The following HAO1 variants were observed in gnomAD, a reference collection of about 807,000 sequenced individuals.
HAO1 encodes hydroxyacid oxidase 1, also known as 2-Hydroxyacid oxidase 1.
In HAO1, 34 loss-of-function variants were observed where a neutral mutation model predicts 39.7. The observed-to-expected ratio is 0.86, with a 90% CI of 0.65 to 1.14. HAO1 has a LOEUF of 1.14. Ranked by LOEUF, HAO1 falls within the 50% of genes most tolerant of loss-of-function variation. The probability of loss-of-function intolerance (pLI) is 0.00; values close to 1 mark genes in which losing one functional copy is unlikely to be tolerated. For synonymous variants in HAO1, 172 were observed against 173.2 expected (o/e 0.99, Z 0.05); for missense variants, 479 against 464.5 (o/e 1.03, Z -0.29).
At chr20:7,885,663 G>A in intron 6 of HAO1, 43 bp downstream of exon 6, 1 of 1,576,332 alleles carries the variant, frequency 6.3e-7, no homozygotes, top group Non-Finnish European at 8.7e-7. Flanking sequence ...TTGTTTTACT[G>A]TCAAGTTGTC....
At chr20:7,895,022 C>T (rs553582058) in intron 5 of HAO1, 111 bp downstream of exon 5, 21 of 739,994 alleles carry the variant, frequency 2.8e-5, no homozygotes, top group Admixed American at 1.3e-4. Flanking sequence ...ACGTATTTCA[C>T]CTTGAGTGAT....
intron 2 of HAO1, among the ~76,000 whole-genome samples, chr20:7,926,358 T>C (rs900012012): frequency 2.0e-5 from 3 of 152,180 alleles, no homozygotes; most frequent in Admixed American, 6.6e-5. Context: ...AGTAAAAATG[T>C]TCCTTAAAGC....
At chr20:7,937,783 C>T (rs2050420134) in intron 1 of HAO1, among the ~76,000 whole-genome samples, 1 of 152,132 alleles carries the variant, frequency 6.6e-6, no homozygotes, top group African/African-American at 2.4e-5. Context: ...CAAAATGTAG[C>T]AAGTTGACAT....
intron 3 of HAO1, among the ~76,000 whole-genome samples, chr20:7,907,750 G>A (rs946257877): frequency 2.0e-5 from 3 of 152,116 alleles, no homozygotes; most frequent in Non-Finnish European, 4.4e-5. Flanking sequence ...ATCCTGGCTA[G>A]ATTTTGGCAG....
chr20:7,921,993 C>A (rs913305612), intron 2 of HAO1, among the ~76,000 whole-genome samples: 2 of 152,026 alleles, frequency 1.3e-5, no homozygotes, highest in African/African-American at 2.4e-5. Context: ...AAAAAAACTA[C>A]CTGTTTGGAA....
chr20:7,892,699 T>C (rs1200546465), intron 5 of HAO1, among the ~76,000 whole-genome samples: 1 of 152,114 alleles, frequency 6.6e-6, no homozygotes, highest in Admixed American at 6.6e-5. Context: ...TATATAAGAA[T>C]CCAGTTCTGA....
At chr20:7,884,377 A>T (rs1350467062) in intron 7 of HAO1, among the ~76,000 whole-genome samples, 2 of 152,186 alleles carry the variant, frequency 1.3e-5, no homozygotes, top group East Asian at 3.9e-4. Context: ...AAATTCTATG[A>T]TAGCTGATAT....
rs529767138 is a variant in HAO1, at chr20:7,910,203, G to A, written c.546-3874C>T. On this transcript the variant is annotated intron_variant, in intron 3 of 7. Transcript: ENST00000378789. Reference sequence around the variant, plus strand: ...AAGCATAATCAATAAATTACAAAGTGTAGCAGAACATAAGCACTATACAAA... The same window carrying A: ...AAGCATAATCAATAAATTACAAAGTATAGCAGAACATAAGCACTATACAAA... 4.6e-5 allele frequency among the ~76,000 whole-genome samples: 7 copies of A among 152,236 alleles called. No individual in the cohort carries two copies. In the South Asian group the frequency reaches 1.0e-3, roughly 23 times the overall value.
intron 3 of HAO1, among the ~76,000 whole-genome samples, chr20:7,913,177 T>G (rs896180514): frequency 1.5e-4 from 22 of 151,240 alleles, no homozygotes; most frequent in South Asian, 4.2e-4. Flanking sequence ...TTTGTTTTTT[T>G]TTTTTTTTCC....
chr20:7,917,707 T>C (rs1265697005), intron 2 of HAO1, among the ~76,000 whole-genome samples: 1 of 152,104 alleles, frequency 6.6e-6, no homozygotes, highest in East Asian at 1.9e-4. Flanking sequence ...GTTTTTGTAG[T>C]TAATACAAAG....
chr20:7,920,485 T>C (rs2050325825), intron 2 of HAO1, among the ~76,000 whole-genome samples: 2 of 152,188 alleles, frequency 1.3e-5, no homozygotes, highest in South Asian at 2.1e-4. Flanking sequence ...CTATTAACTG[T>C]GGACACCATG....
Position 7,935,468 on chromosome 20 carries a change from A to G in HAO1, c.138-833T>C, listed in dbSNP as rs1318085733. Among the ~76,000 whole-genome samples, 3 of 152,224 alleles carry G rather than the reference A, an allele frequency of 2.0e-5. No individual in the cohort carries two copies. In the East Asian group the frequency reaches 5.8e-4, roughly 29 times the overall value. The stretch of plus-strand genomic sequence containing the variant: ...GTCTTCTTTTTATGTGATAAACAGC[A>G]GCTTCAGGCAATTACTTTTAAAATT... On this transcript the variant is annotated intron_variant, in intron 1 of 7. Coordinates refer to ENST00000378789, the MANE Select transcript of HAO1 (RefSeq NM_017545.3).
At chr20:7,896,370 G>A (rs759319601) in intron 4 of HAO1, among the ~76,000 whole-genome samples, 5 of 152,102 alleles carry the variant, frequency 3.3e-5, no homozygotes, top group Non-Finnish European at 7.4e-5. Flanking sequence ...AAGCAAATGG[G>A]TATAGGTCAT....
intron 2 of HAO1, among the ~76,000 whole-genome samples, chr20:7,932,447 T>C (rs934006427): frequency 4.6e-5 from 7 of 152,206 alleles, no homozygotes; most frequent in African/African-American, 1.7e-4. Flanking sequence ...CTCTTTTAAA[T>C]CTAATTGTTA....
Position 7,940,400 on chromosome 20 carries a change from A to T in HAO1, c.23T>A (p.Ile8Asn). The T allele has an allele frequency of 6.2e-7, 1 of 1,610,302 alleles. No homozygotes were observed. Among genetic ancestry groups the T allele is most frequent in the Non-Finnish European group, 8.5e-7 (1 of 1,178,822 alleles). The change falls in exon 1 of 8, where the codon ATC (isoleucine) becomes AAC (asparagine). Residue 8 changes from isoleucine to asparagine, a missense_variant. Coordinates refer to ENST00000378789, the MANE Select transcript of HAO1 (RefSeq NM_017545.3). ...TTTAGCATGTTGTTCATAATCATTG[A>T]TACAAATTAGCCGGGGGAGCATTTT... is the stretch of plus-strand genomic sequence containing the variant. MLPRLIC[I>N]NDYEQHAKSV...
chr20:7,914,756 G>A (rs528836302), intron 2 of HAO1, among the ~76,000 whole-genome samples: 23 of 152,138 alleles, frequency 1.5e-4, no homozygotes, highest in African/African-American at 4.8e-4. Context: ...TTAAGAACCT[G>A]AACATCCAGC....
At chr20:7,914,678 G>A (rs796913518) in intron 2 of HAO1, among the ~76,000 whole-genome samples, 24 of 152,164 alleles carry the variant, frequency 1.6e-4, no homozygotes, top group African/African-American at 5.5e-4. Flanking sequence ...TCCACACTTT[G>A]TATATTGTTC....
chr20:7,894,531 C>G (rs1233635599), intron 5 of HAO1, among the ~76,000 whole-genome samples: 1 of 152,122 alleles, frequency 6.6e-6, no homozygotes, highest in South Asian at 2.1e-4. Context: ...TTAAAGTTCC[C>G]CAGATGATTC....
chr20:7,914,279 C>A lies in HAO1; in HGVS notation c.430G>T (p.Val144Leu). The change falls in exon 3 of 8, where the codon GTG (valine) becomes TTG (leucine). Residue 144 changes from valine to leucine, a missense_variant. By Grantham distance (32) the Val-to-Leu change is conservative. Transcript: ENST00000378789. ...TAGCCCATCTTCTCTGCCTGCCGCACTAGCTTCTTGGTGACTTCTCGGTCC... is the reference window on the plus strand; with the variant it reads ...TAGCCCATCTTCTCTGCCTGCCGCAATAGCTTCTTGGTGACTTCTCGGTCC... ...YKDREVTKKL[V>L]RQAEKMGYKA... 6.2e-7 allele frequency: 1 copy of A among 1,614,050 alleles called. No individual in the cohort carries two copies. The highest frequency in any genetic ancestry group is 8.5e-7 in the Non-Finnish European group (1 of 1,179,984).
Sources: gnomAD v4.1 joint callset for allele counts (sites outside exome capture counted in the v4.1 genomes callset) on GRCh38, gnomAD v4.1.1 for gene constraint, MANE v1.5 for transcripts, NCBI Gene and HGNC (gene_info 2026-07-23, HGNC 2026-07-21) for gene names.